Variants in L3MBTL4 observed in about 807,000 individuals in gnomAD.
The protein encoded by L3MBTL4 is lethal(3)malignant brain tumor-like protein 4.
Under a neutral mutation model 84.5 loss-of-function variants are expected in L3MBTL4, and 70 were observed. That is an observed-to-expected ratio of 0.83 (90% CI 0.68 to 1.01). The LOEUF is 1.01. Among genes scored for constraint, L3MBTL4 ranks in the 50% least tolerant of loss-of-function variants. The probability of loss-of-function intolerance (pLI) is 0.00; values close to 1 mark genes in which losing one functional copy is unlikely to be tolerated. For missense variants in L3MBTL4, 715 were observed against 754.8 expected, an observed-to-expected ratio of 0.95 and a Z score of 0.62; for synonymous variants, 274 against 259.8, an observed-to-expected ratio of 1.05 and a Z score of -0.52.
intron 12 of L3MBTL4, among the ~76,000 whole-genome samples, chr18:6,186,937 CAA>C (rs2145447686): frequency 6.6e-6 from 1 of 152,246 alleles, no homozygotes; most frequent in East Asian, 1.9e-4. Flanking sequence ...GCTCAGAAAC[CAA>C]GATTCAGAGC....
intron 4 of L3MBTL4, among the ~76,000 whole-genome samples, chr18:6,268,911 C>T (rs1739050290): frequency 6.6e-6 from 1 of 151,778 alleles, no homozygotes; most frequent in Non-Finnish European, 1.5e-5. Flanking sequence ...GATTAATAGC[C>T]CTATTTTATT....
chr18:6,168,178 G>A (rs1271573295), intron 13 of L3MBTL4, among the ~76,000 whole-genome samples: 1 of 152,046 alleles, frequency 6.6e-6, no homozygotes, highest in African/African-American at 2.4e-5. Flanking sequence ...AATAAAAGAG[G>A]ATACAAACAA....
In L3MBTL4 at chr18:6,256,171, C is replaced by T. The variant is rs145933060; in HGVS notation, c.219+7776G>A. Among the ~76,000 whole-genome samples the T allele has an allele frequency of 6.8e-3, 1,029 of 152,294 alleles. 7 individuals are homozygous for T. The highest frequency in any genetic ancestry group is 0.017 in the Middle Eastern group (5 of 294). ...GCACCTGCAGGGCTAAATACAAATT[C>T]AGACTATCAAAAACAAAATGCACCT... On this transcript the variant is annotated intron_variant, in intron 5 of 18. Transcript: ENST00000317931.
intron 5 of L3MBTL4, among the ~76,000 whole-genome samples, chr18:6,245,225 T>C (rs1300992578): frequency 6.6e-6 from 1 of 152,184 alleles, no homozygotes; most frequent in East Asian, 1.9e-4. Context: ...ATTCACTGTA[T>C]AGTTTAGAAG....
At chr18:6,148,564 C>A (rs1028440384) in intron 13 of L3MBTL4, among the ~76,000 whole-genome samples, 18 of 151,958 alleles carry the variant, frequency 1.2e-4, no homozygotes, top group Admixed American at 1.1e-3. Flanking sequence ...TAGCTGGGAC[C>A]ACAGTTGCAC....
intron 16 of L3MBTL4, among the ~76,000 whole-genome samples, chr18:5,984,836 T>C (rs2053398757): frequency 1.3e-5 from 2 of 152,214 alleles, no homozygotes; most frequent in South Asian, 4.1e-4. Flanking sequence ...TCTTTAGGAG[T>C]ATTTTTTTCA....
At chr18:5,956,478 G>A in intron 18 of L3MBTL4, 91 bp from the exon 19 acceptor site, 4 of 1,205,556 alleles carry the variant, frequency 3.3e-6, no homozygotes, top group South Asian at 1.4e-5. Flanking sequence ...GTGTGATGTG[G>A]AACCCGTCAT....
intron 12 of L3MBTL4, among the ~76,000 whole-genome samples, chr18:6,210,280 AG>A (rs1390697293): frequency 1.3e-5 from 2 of 152,208 alleles, no homozygotes; most frequent in African/African-American, 4.8e-5. Context: ...AGGACCCTCC[AG>A]GTAGGACAGA....
rs139911319 is a variant in L3MBTL4, at chr18:6,386,049, T to C, written c.-91+28752A>G. ...CTAAAGAAAGGTGTTTTCCATCCAG[T>C]AGGAGAGATAAGCCATGTATATAAA... On this transcript the variant is annotated intron_variant, in intron 1 of 18. Transcript: ENST00000317931. 5.9e-5 allele frequency among the ~76,000 whole-genome samples: 9 copies of C among 152,184 alleles called. No individual in the cohort carries two copies. The East Asian group carries it at 1.7e-3, about 29-fold the overall frequency.
chr18:6,042,711 T>C (rs1158509518), intron 16 of L3MBTL4, among the ~76,000 whole-genome samples: 2 of 152,212 alleles, frequency 1.3e-5, no homozygotes, highest in Admixed American at 6.5e-5. Context: ...GGCCAAGCCT[T>C]TGAGTGTTAG....
In L3MBTL4 at chr18:6,137,736, ACATGGG is replaced by A. The variant is rs528442429; in HGVS notation, c.1199+452_1199+457del. 6.6e-5 allele frequency among the ~76,000 whole-genome samples: 10 copies of A among 152,350 alleles called. No individual in the cohort carries two copies. In the East Asian group the frequency reaches 1.9e-3, roughly 29 times the overall value. On this transcript the variant is annotated intron_variant, in intron 14 of 18. Coordinates refer to ENST00000317931, the MANE Select transcript of L3MBTL4 (RefSeq NM_001330559.2). Reference sequence around the variant, plus strand: ...ATATGGATATTGTCAAATAATTAAAACATGGGCATATTCTGCAACATAACTTCACAC... The same window carrying A: ...ATATGGATATTGTCAAATAATTAAAACATATTCTGCAACATAACTTCACAC...
At chr18:6,010,064 T>A (rs1166401585) in intron 16 of L3MBTL4, among the ~76,000 whole-genome samples, 8 of 152,212 alleles carry the variant, frequency 5.3e-5, no homozygotes, top group Admixed American at 5.2e-4. Context: ...CCCTTCTGTA[T>A]CCTTGTCGTG....
rs187335816 is a variant in L3MBTL4, at chr18:6,389,242, T to C, written c.-91+25559A>G. ...AATAAATTCATTTCAGACAAACAAA[T>C]GCTGAGGGAATTCGTCACTACCAGA... On this transcript the variant is annotated intron_variant, in intron 1 of 18. Coordinates refer to ENST00000317931, the MANE Select transcript of L3MBTL4 (RefSeq NM_001330559.2). Among the ~76,000 whole-genome samples the C allele has an allele frequency of 8.0e-3, 1,210 of 152,170 alleles. 19 individuals carry two copies. The highest frequency in any genetic ancestry group is 0.028 in the African/African-American group (1,169 of 41,530).
At chr18:6,159,635 G>T (rs2043238885) in intron 13 of L3MBTL4, among the ~76,000 whole-genome samples, 1 of 152,216 alleles carries the variant, frequency 6.6e-6, no homozygotes. Flanking sequence ...GATGGTCCCT[G>T]CACGGGAGGC....
At chr18:5,980,357 C>A (rs1021882083) in intron 16 of L3MBTL4, among the ~76,000 whole-genome samples, 2 of 151,980 alleles carry the variant, frequency 1.3e-5, no homozygotes, top group African/African-American at 4.8e-5. Flanking sequence ...ACAAAGCATC[C>A]CCGTCTCAGG....
chr18:5,980,160 T>G (rs1389689289), intron 16 of L3MBTL4, among the ~76,000 whole-genome samples: 1 of 152,226 alleles, frequency 6.6e-6, no homozygotes, highest in Non-Finnish European at 1.5e-5. Flanking sequence ...TCAGTCTGCG[T>G]TGTGGGGTGC....
intron 15 of L3MBTL4, 93 bp from the exon 16 acceptor site, chr18:6,081,044 G>C (rs2058060643): frequency 2.3e-6 from 2 of 867,636 alleles, no homozygotes; most frequent in Admixed American, 5.4e-5. Flanking sequence ...GAAACTGCAG[G>C]GTAAACAATA....
chr18:6,333,334 G>C (rs2052141887), intron 1 of L3MBTL4, among the ~76,000 whole-genome samples: 1 of 152,160 alleles, frequency 6.6e-6, no homozygotes, highest in African/African-American at 2.4e-5. Flanking sequence ...CAACACTTTG[G>C]GAGGCTGAGG....
chr18:6,289,085 T>A (rs1397858895), intron 4 of L3MBTL4, among the ~76,000 whole-genome samples: 1 of 152,002 alleles, frequency 6.6e-6, no homozygotes, highest in Non-Finnish European at 1.5e-5. Context: ...GATAAAATGA[T>A]TGGTTGTCCC....
Sources: allele counts gnomAD v4.1 joint callset (sites outside exome capture counted in the v4.1 genomes callset), GRCh38; gene constraint gnomAD v4.1.1; transcripts MANE v1.5; gene names NCBI Gene and HGNC (gene_info 2026-07-23, HGNC 2026-07-21).